The following PTPRD variants were observed in gnomAD, a reference collection of about 807,000 sequenced individuals.
The protein encoded by PTPRD is protein tyrosine phosphatase receptor type D.
Under a neutral mutation model 214.5 loss-of-function variants are expected in PTPRD, and 34 were observed. The ratio of observed to expected loss-of-function variants is 0.16; its 90% confidence interval spans 0.12 to 0.21. The LOEUF (loss-of-function observed/expected upper bound fraction) is 0.21, where lower values mean the gene tolerates loss of function less well. Ranked by LOEUF, PTPRD falls within the 10% of genes least tolerant of loss-of-function variation. The pLI is 1.00. For synonymous variants in PTPRD, 1,128 were observed against 845.7 expected (o/e 1.33, Z -5.79); for missense variants, 2,545 against 2,398.7 (o/e 1.06, Z -1.27).
intron 39 of PTPRD, among the ~76,000 whole-genome samples, chr9:8,356,287 A>C (rs1314022135): frequency 6.6e-6 from 1 of 152,198 alleles, no homozygotes; most frequent in Non-Finnish European, 1.5e-5. Context: ...TTTTCCAAAG[A>C]CAGAAAGAAA....
chr9:9,184,311 A>G (rs1254256487), intron 9 of PTPRD, among the ~76,000 whole-genome samples: 2 of 152,078 alleles, frequency 1.3e-5, no homozygotes, highest in Non-Finnish European at 2.9e-5. Flanking sequence ...TAGCCAGACT[A>G]CATTTTGTAG....
At position 8,501,020 on chromosome 9, in the gene PTPRD, G is replaced by C. The variant is rs764453624; in HGVS notation, c.1862C>G (p.Pro621Arg). Residue 621 changes from proline to arginine, a missense_variant, in exon 24 of 46, where the codon CCA becomes CGA. Physicochemically the swap from Pro to Arg is moderately radical, Grantham distance 103. Coordinates refer to ENST00000381196, the MANE Select transcript of PTPRD (RefSeq NM_002839.4). ...APPQDISCTS[P>R]SSTSILVSWQ... ...ACTTACCAAAATACTAGTGGAACTT[G>C]GGCTGGTGCAACTAATGTCTTGAGG... 4.3e-6 allele frequency: 7 copies of C among 1,613,832 alleles called. No homozygotes were observed. The African/African-American group carries it at 6.7e-5, about 15-fold the overall frequency.
At chr9:8,813,264 CG>C (rs969521784) in intron 11 of PTPRD, among the ~76,000 whole-genome samples, 8 of 145,644 alleles carry the variant, frequency 5.5e-5, no homozygotes, top group African/African-American at 1.1e-4. Context: ...TGAGGAAGGG[CG>C]GGGGGGCAGA....
At chr9:8,948,531 TTATATATATA>T in intron 11 of PTPRD, among the ~76,000 whole-genome samples, 1 of 30,072 alleles carries the variant, frequency 3.3e-5, no homozygotes, top group South Asian at 1.6e-3. Context: ...ATATATATAT[TTATATATATA>T]TTTATATATA....
At chr9:10,082,654 C>T (rs1033941155) in intron 3 of PTPRD, among the ~76,000 whole-genome samples, 1 of 151,786 alleles carries the variant, frequency 6.6e-6, no homozygotes, top group Admixed American at 6.6e-5. Flanking sequence ...AAAAATGATG[C>T]CTGATCCCTA....
intron 8 of PTPRD, among the ~76,000 whole-genome samples, chr9:9,542,595 T>C (rs1009273991): frequency 1.3e-5 from 2 of 151,670 alleles, no homozygotes; most frequent in Middle Eastern, 3.4e-3. Context: ...ACAAAATATA[T>C]AAAGAACTTG....
chr9:9,575,159 G>A (rs2088041284), intron 7 of PTPRD, among the ~76,000 whole-genome samples: 1 of 152,056 alleles, frequency 6.6e-6, no homozygotes, highest in Non-Finnish European at 1.5e-5. Flanking sequence ...ATATACATGT[G>A]CAAACATGTA....
At chr9:8,559,407 T>C (rs539020755) in intron 14 of PTPRD, among the ~76,000 whole-genome samples, 3 of 152,230 alleles carry the variant, frequency 2.0e-5, no homozygotes, top group Non-Finnish European at 2.9e-5. Flanking sequence ...AATGTTCATA[T>C]TGTATCATGT....
chr9:10,373,711 T>G (rs1185750941), intron 2 of PTPRD, among the ~76,000 whole-genome samples: 1 of 152,120 alleles, frequency 6.6e-6, no homozygotes, highest in Admixed American at 6.6e-5. Context: ...TCTGTTCTTC[T>G]TACCTTTCTT....
intron 7 of PTPRD, among the ~76,000 whole-genome samples, chr9:9,671,530 A>G (rs990942245): frequency 1.3e-5 from 2 of 152,118 alleles, no homozygotes; most frequent in African/African-American, 4.8e-5. Context: ...GCAGAATGAC[A>G]TGGTTTGGCT....
intron 30 of PTPRD, among the ~76,000 whole-genome samples, chr9:8,479,380 A>C (rs2096833364): frequency 6.6e-6 from 1 of 152,192 alleles, no homozygotes; most frequent in African/African-American, 2.4e-5. Flanking sequence ...ATTTCTGAGA[A>C]TCTTTTATTC....
chr9:9,496,489 A>G (rs1276366545), intron 8 of PTPRD, among the ~76,000 whole-genome samples: 1 of 152,216 alleles, frequency 6.6e-6, no homozygotes, highest in Non-Finnish European at 1.5e-5. Flanking sequence ...ATGACTAATC[A>G]TTAGAAAAAG....
At chr9:9,657,767 G>T (rs964998914) in intron 7 of PTPRD, among the ~76,000 whole-genome samples, 1 of 152,134 alleles carries the variant, frequency 6.6e-6, no homozygotes, top group Non-Finnish European at 1.5e-5. Flanking sequence ...CTTGCCACAT[G>T]GGGGCAAACC....
intron 11 of PTPRD, among the ~76,000 whole-genome samples, chr9:8,843,508 A>T (rs1377922068): frequency 6.6e-6 from 1 of 152,310 alleles, no homozygotes; most frequent in South Asian, 2.1e-4. Flanking sequence ...GAAACGTTCT[A>T]TGTCGGTGCT....
Position 9,443,402 on chromosome 9 carries a change from C to G in PTPRD, c.-236-45920G>C, listed in dbSNP as rs147259725. 3.0e-3 allele frequency among the ~76,000 whole-genome samples: 463 copies of G among 152,292 alleles called. 2 individuals are homozygous for G. The highest frequency in any genetic ancestry group is 4.7e-3 in the Admixed American group (72 of 15,298). Reference sequence around the variant, plus strand: ...TAGAGGATTAAGGATGGTCACAGTTCTTTGATATTACTTGCAGGGAAATAT... The same window carrying G: ...TAGAGGATTAAGGATGGTCACAGTTGTTTGATATTACTTGCAGGGAAATAT... On this transcript the variant is annotated intron_variant, in intron 8 of 45. Coordinates refer to ENST00000381196, the MANE Select transcript of PTPRD (RefSeq NM_002839.4).
intron 14 of PTPRD, among the ~76,000 whole-genome samples, chr9:8,553,733 A>G (rs1348522642): frequency 6.6e-6 from 1 of 152,214 alleles, no homozygotes; most frequent in Non-Finnish European, 1.5e-5. Context: ...AAGCCCTATA[A>G]GAACCTTCTT....
At chr9:9,102,972 T>C (rs1190846498) in intron 10 of PTPRD, among the ~76,000 whole-genome samples, 4 of 152,226 alleles carry the variant, frequency 2.6e-5, no homozygotes, top group Admixed American at 2.6e-4. Flanking sequence ...TTTGTGTCTT[T>C]GGTCAGTTTT....
intron 4 of PTPRD, among the ~76,000 whole-genome samples, chr9:10,004,335 G>A (rs1472374290): frequency 6.6e-6 from 1 of 151,748 alleles, no homozygotes; most frequent in Non-Finnish European, 1.5e-5. Flanking sequence ...TGGAAACAAA[G>A]GAGAAAGTCA....
chr9:8,863,585 G>T lies in PTPRD; in HGVS notation c.-103-129639C>A, dbSNP rs574519446. Reference sequence around the variant, plus strand: ...CATACATTAAGCAGTGGATTTCAGTGTTTCCTAACAAAATTGTGTATTGGT... The same window carrying T: ...CATACATTAAGCAGTGGATTTCAGTTTTTCCTAACAAAATTGTGTATTGGT... On this transcript the variant is annotated intron_variant, in intron 11 of 45. Transcript: ENST00000381196. Among the ~76,000 whole-genome samples the T allele has an allele frequency of 4.5e-4, 69 of 152,192 alleles. 1 individual carries two copies. Among genetic ancestry groups the T allele is most frequent in the Admixed American group, 8.5e-4 (13 of 15,280 alleles).
Sources: gnomAD v4.1 joint callset for allele counts (sites outside exome capture counted in the v4.1 genomes callset) on GRCh38, gnomAD v4.1.1 for gene constraint, MANE v1.5 for transcripts, NCBI Gene and HGNC (gene_info 2026-07-23, HGNC 2026-07-21) for gene names.